Variants in MYRIP observed in about 807,000 individuals in gnomAD.
MYRIP encodes the protein myosin VIIA and Rab interacting protein, also known as rab effector MyRIP.
Under a neutral mutation model 98.0 loss-of-function variants are expected in MYRIP, and 49 were observed. That is an observed-to-expected ratio of 0.50 (90% CI 0.40 to 0.63). The LOEUF is 0.63. Among genes scored for constraint, MYRIP ranks in the 30% least tolerant of loss-of-function variants. The pLI is 0.00. For missense variants in MYRIP, 1,004 were observed against 1,058.2 expected (o/e 0.95, Z 0.71); for synonymous variants, 404 against 409.5 (o/e 0.99, Z 0.16).
rs1423073535 is a variant in MYRIP, at chr3:40,070,840, A to G, written c.332+26569A>G. ...AAGAAATCTAGGCTCCATGTCCTTT[A>G]ACATCCTTACATATCATTTTCTGCA... On this transcript the variant is annotated intron_variant, in intron 3 of 16. Coordinates refer to ENST00000302541, the MANE Select transcript of MYRIP (RefSeq NM_015460.4). Among the ~76,000 whole-genome samples the G allele has an allele frequency of 2.6e-5, 4 of 152,334 alleles. No homozygotes were observed. The East Asian group carries it at 7.7e-4, about 29-fold the overall frequency.
At chr3:40,174,968 C>T (rs1167148050) in intron 8 of MYRIP, among the ~76,000 whole-genome samples, 2 of 151,888 alleles carry the variant, frequency 1.3e-5, no homozygotes, top group African/African-American at 4.8e-5. Context: ...ATGGTGAAAC[C>T]CCATCTCTAT....
At chr3:40,204,178 TATATA>T (rs1312546794) in intron 10 of MYRIP, among the ~76,000 whole-genome samples, 2 of 57,320 alleles carry the variant, frequency 3.5e-5, no homozygotes, top group Admixed American at 3.7e-4. Context: ...ATTTATATAT[TATATA>T]ATATATAAAT....
At chr3:39,927,334 T>G (rs1944440189) in intron 2 of MYRIP, among the ~76,000 whole-genome samples, 1 of 152,052 alleles carries the variant, frequency 6.6e-6, no homozygotes, top group Admixed American at 6.6e-5. Flanking sequence ...CTTGCCTGAT[T>G]GCTCTGGCTA....
At chr3:39,864,660 C>A (rs1350697444) in intron 1 of MYRIP, among the ~76,000 whole-genome samples, 3 of 152,072 alleles carry the variant, frequency 2.0e-5, no homozygotes, top group Admixed American at 6.6e-5. Context: ...ATGACACAAA[C>A]AAATGAAAAA....
intron 10 of MYRIP, among the ~76,000 whole-genome samples, chr3:40,194,608 A>C (rs1951337591): frequency 6.6e-6 from 1 of 152,134 alleles, no homozygotes. Flanking sequence ...GTTGCAAAGA[A>C]GCCTTTTTAA....
At chr3:39,829,176 G>T (rs1941359988) in intron 1 of MYRIP, among the ~76,000 whole-genome samples, 1 of 152,176 alleles carries the variant, frequency 6.6e-6, no homozygotes, top group Non-Finnish European at 1.5e-5. Context: ...CATTCTTACA[G>T]GAGTAAGGTG....
At chr3:40,095,265 CT>C (rs1948804097) in intron 3 of MYRIP, among the ~76,000 whole-genome samples, 1 of 152,238 alleles carries the variant, frequency 6.6e-6, no homozygotes, top group Admixed American at 6.5e-5. Context: ...CCTCAAGTCC[CT>C]TCAGGGAAGA....
intron 2 of MYRIP, among the ~76,000 whole-genome samples, chr3:39,964,012 G>A (rs1945383246): frequency 6.6e-6 from 1 of 152,070 alleles, no homozygotes; most frequent in South Asian, 2.1e-4. Context: ...ATCTGGGGCA[G>A]TATGTGGTGC....
At chr3:40,083,295 T>G (rs1948520942) in intron 3 of MYRIP, among the ~76,000 whole-genome samples, 2 of 152,182 alleles carry the variant, frequency 1.3e-5, no homozygotes, top group African/African-American at 4.8e-5. Flanking sequence ...AGATGTGGCA[T>G]TATAGTTCCT....
Position 40,167,088 on chromosome 3 carries a change from C to T in MYRIP, c.649-71C>T, listed in dbSNP as rs955763561. ...TCCCTCTGCTTTTGTGGTCAGGACT[C>T]TCCTGGCAAAGTGACTGCCAAGTCA... On this transcript the variant is annotated intron_variant, in intron 6 of 16. Coordinates refer to ENST00000302541, the MANE Select transcript of MYRIP (RefSeq NM_015460.4). 30 of 1,499,692 alleles carry T rather than the reference C, an allele frequency of 2.0e-5. No individual in the cohort carries two copies. The African/African-American group carries it at 2.5e-4, about 12-fold the overall frequency. The allele number at this position is 1,499,692 out of a possible 1,614,324, so 92.9% of individuals were successfully genotyped here. A position where few individuals can be genotyped will look rare whatever the true frequency, so the allele number is the denominator to read the frequency against.
At chr3:39,829,337 G>A (rs922640836) in intron 1 of MYRIP, among the ~76,000 whole-genome samples, 10 of 152,152 alleles carry the variant, frequency 6.6e-5, no homozygotes, top group African/African-American at 1.4e-4. Context: ...CACATCTAGT[G>A]GAACAGTTGC....
intron 3 of MYRIP, among the ~76,000 whole-genome samples, chr3:40,124,661 G>T (rs368078567): frequency 9.8e-5 from 15 of 152,332 alleles, no homozygotes; most frequent in African/African-American, 3.6e-4. Flanking sequence ...TTTAGGATTT[G>T]GTGTATGCCT....
chr3:39,989,586 G>A (rs1251092501), intron 2 of MYRIP, among the ~76,000 whole-genome samples: 1 of 152,212 alleles, frequency 6.6e-6, no homozygotes, highest in Non-Finnish European at 1.5e-5. Context: ...CCACACATCT[G>A]GGCTGCCTGA....
chr3:39,821,708 C>G (rs1941105995), intron 1 of MYRIP, among the ~76,000 whole-genome samples: 1 of 151,778 alleles, frequency 6.6e-6, no homozygotes, highest in African/African-American at 2.4e-5. Context: ...ATAATTTCTT[C>G]TTTGACTTAT....
intron 13 of MYRIP, among the ~76,000 whole-genome samples, chr3:40,246,967 T>TA (rs956083301): frequency 1.1e-4 from 17 of 151,490 alleles, no homozygotes; most frequent in Non-Finnish European, 2.2e-4. Context: ...GCAATTCTCC[T>TA]AAAAAAAAAT....
intron 3 of MYRIP, among the ~76,000 whole-genome samples, chr3:40,103,896 T>C (rs1949001420): frequency 6.6e-6 from 1 of 152,200 alleles, no homozygotes. Context: ...AGAGCAATAT[T>C]TTTATGTAAA....
chr3:40,011,889 TA>T (rs1230693470), intron 2 of MYRIP, among the ~76,000 whole-genome samples: 1 of 152,152 alleles, frequency 6.6e-6, no homozygotes, highest in Admixed American at 6.5e-5. Flanking sequence ...GGAATCCATT[TA>T]AAAAAATCTC....
chr3:40,034,811 T>A (rs1947340888), intron 2 of MYRIP, among the ~76,000 whole-genome samples: 1 of 151,818 alleles, frequency 6.6e-6, no homozygotes, highest in South Asian at 2.1e-4. Context: ...TAGCAAAGAC[T>A]TGGAACCAAC....
intron 4 of MYRIP, among the ~76,000 whole-genome samples, chr3:40,158,962 T>C (rs1259101295): frequency 3.9e-5 from 6 of 152,286 alleles, no homozygotes; most frequent in Admixed American, 3.9e-4. Context: ...TGCCAGTCTG[T>C]GTCTTTTAAT....
Sources: gnomAD v4.1 joint callset for allele counts (sites outside exome capture counted in the v4.1 genomes callset) on GRCh38, gnomAD v4.1.1 for gene constraint, MANE v1.5 for transcripts, NCBI Gene and HGNC (gene_info 2026-07-23, HGNC 2026-07-21) for gene names.